MYO9B: variants seen among roughly 807,000 people sequenced by gnomAD.
MYO9B encodes the protein unconventional myosin-IXb.
Under a neutral mutation model 229.5 loss-of-function variants are expected in MYO9B, and 71 were observed. That is an observed-to-expected ratio of 0.31 (90% CI 0.26 to 0.38). The LOEUF (loss-of-function observed/expected upper bound fraction) is 0.38, where lower values mean the gene tolerates loss of function less well. Among genes scored for constraint, MYO9B ranks in the 10% least tolerant of loss-of-function variants. MYO9B has a pLI of 1.00. For synonymous variants in MYO9B, 1,185 were observed against 1,235.8 expected (o/e 0.96, Z 0.86); for missense variants, 2,255 against 2,920.5 (o/e 0.77, Z 5.25).
rs919872930 is a variant in MYO9B at position 17,150,753 on chromosome 19, A to G, written c.936-1891A>G. ...CAGGAGCCACCGTGCCTGCCCCAGT[A>G]TGGAAGAGGAGTCCCTGAGAAATAC... On this transcript the variant is annotated intron_variant, in intron 3 of 39. Transcript: ENST00000682292. 7.1e-5 allele frequency among the ~76,000 whole-genome samples: 10 copies of G among 141,574 alleles called. 3 individuals carry two copies. Among genetic ancestry groups the G allele is most frequent in the Non-Finnish European group, 1.1e-4 (7 of 61,900 alleles). 92.9% of individuals were successfully genotyped at this position (141,574 alleles called of 152,430 possible).
intron 6 of MYO9B, among the ~76,000 whole-genome samples, chr19:17,154,741 G>T (rs2072519093): frequency 6.6e-6 from 1 of 152,140 alleles, no homozygotes; most frequent in Non-Finnish European, 1.5e-5. Context: ...GTGGAGGATT[G>T]CATGGGCCCA....
chr19:17,109,334 G>T (rs1453578396), intron 2 of MYO9B, among the ~76,000 whole-genome samples: 2 of 152,028 alleles, frequency 1.3e-5, no homozygotes, highest in African/African-American at 2.4e-5. Flanking sequence ...CAAAGTGCTG[G>T]GATTACAAGC....
chr19:17,089,498 C>G (rs936274101), intron 1 of MYO9B, among the ~76,000 whole-genome samples: 3 of 152,182 alleles, frequency 2.0e-5, no homozygotes, highest in African/African-American at 4.8e-5. Flanking sequence ...CCTTTATTCT[C>G]CAGTAAATTC....
At chr19:17,156,870 G>A (rs770772859) in intron 6 of MYO9B, 39 bp from the exon 7 acceptor site, 40 of 1,596,252 alleles carry the variant, frequency 2.5e-5, no homozygotes, top group Middle Eastern at 1.8e-4. Context: ...TCTTAGGAAC[G>A]TAGAAACTAC....
intron 30 of MYO9B, among the ~76,000 whole-genome samples, chr19:17,204,134 G>A (rs1348848984): frequency 1.3e-5 from 2 of 152,086 alleles, no homozygotes; most frequent in East Asian, 3.9e-4. Flanking sequence ...CAGTTGTCAT[G>A]GTCCTGAGAT....
At chr19:17,188,287 G>C (rs1284181739) in intron 19 of MYO9B, among the ~76,000 whole-genome samples, 2 of 151,926 alleles carry the variant, frequency 1.3e-5, no homozygotes, top group Non-Finnish European at 2.9e-5. Context: ...AAATTAGCCG[G>C]GTGTGGCAGC....
At chr19:17,156,789 A>G (rs1310359039) in intron 6 of MYO9B, 120 bp from the exon 7 acceptor site, 11 of 1,230,506 alleles carry the variant, frequency 8.9e-6, no homozygotes, top group Non-Finnish European at 1.2e-5. Flanking sequence ...ACATTTTTCA[A>G]ATTTCATGCG....
intron 3 of MYO9B, 78 bp downstream of exon 3, chr19:17,145,569 G>A (rs2072399041): frequency 8.2e-7 from 1 of 1,214,196 alleles, no homozygotes; most frequent in African/African-American, 1.5e-5. Flanking sequence ...ATGGGAGTGA[G>A]ATGTGGAGAT....
chr19:17,158,788 C>T (rs1287618953), intron 7 of MYO9B, among the ~76,000 whole-genome samples: 1 of 152,170 alleles, frequency 6.6e-6, no homozygotes, highest in Non-Finnish European at 1.5e-5. Context: ...GCCACCTGGA[C>T]CCGTGGCTCG....
chr19:17,079,151 G>A (rs544185214), intron 1 of MYO9B, among the ~76,000 whole-genome samples: 49 of 152,316 alleles, frequency 3.2e-4, no homozygotes, highest in African/African-American at 1.2e-3. Context: ...CAGGTGAAAT[G>A]TGATGCTCAT....
chr19:17,208,352 A>AC (rs1369425618), intron 35 of MYO9B, among the ~76,000 whole-genome samples: 4 of 81,378 alleles, frequency 4.9e-5, no homozygotes, highest in African/African-American at 2.0e-4. Context: ...AAAAAAAAAA[A>AC]AATCCAGATG....
At chr19:17,083,968 A>G (rs955437858) in intron 1 of MYO9B, among the ~76,000 whole-genome samples, 1 of 151,992 alleles carries the variant, frequency 6.6e-6, no homozygotes, top group Non-Finnish European at 1.5e-5. Context: ...TTAAATACAC[A>G]AAGTGAATGG....
At chr19:17,155,551 G>A (rs537841625) in intron 6 of MYO9B, among the ~76,000 whole-genome samples, 30 of 152,316 alleles carry the variant, frequency 2.0e-4, no homozygotes, top group African/African-American at 6.0e-4. Flanking sequence ...GCCAAGGCAG[G>A]AAGATCGCTT....
rs188114808 is a variant in MYO9B at position 17,142,274 on chromosome 19, G to C, written c.841-3123G>C. Among the ~76,000 whole-genome samples the C allele has an allele frequency of 9.7e-4, 147 of 152,236 alleles. 1 individual carries two copies. The highest frequency in any genetic ancestry group is 3.4e-3 in the African/African-American group (142 of 41,554). On this transcript the variant is annotated intron_variant, in intron 2 of 39. Transcript: ENST00000682292. ...CAGAACAGGCAAATCCATAGAGACA[G>C]GAAGCAGATTGGTGGTTGTCAGGGA...
intron 8 of MYO9B, among the ~76,000 whole-genome samples, chr19:17,159,807 G>A (rs779032264): frequency 6.6e-5 from 10 of 152,204 alleles, no homozygotes; most frequent in Non-Finnish European, 8.8e-5. Flanking sequence ...TTGGCACATG[G>A]CCATACCCAT....
At chr19:17,136,421 C>T (rs1453357143) in intron 2 of MYO9B, among the ~76,000 whole-genome samples, 1 of 152,116 alleles carries the variant, frequency 6.6e-6, no homozygotes, top group South Asian at 2.1e-4. Context: ...AGAAAGACCG[C>T]AGGGACCCCT....
chr19:17,087,801 A>AT (rs2057597628), intron 1 of MYO9B, among the ~76,000 whole-genome samples: 1 of 151,930 alleles, frequency 6.6e-6, no homozygotes, highest in Non-Finnish European at 1.5e-5. Context: ...GTGGTGGTGC[A>AT]TGCCTGTAAT....
Position 17,195,005 on chromosome 19 carries a change from A to C in MYO9B, c.3578A>C (p.Asp1193Ala). ...GAGCAAGGGGTGAGTCTCCTGGAAG[A>C]CAAAAAGGAGAGCAGAGAAGATGAA... ...TQEQGVSLLE[D>A]KKESREDETL... Residue 1193 changes from aspartate to alanine, a missense_variant, in exon 22 of 40, where the codon GAC becomes GCC. By Grantham distance (126) the Asp-to-Ala change is moderately radical. This residue lies in a region of MYO9B where 679 missense variants were observed against 770.2 expected (regional missense o/e 0.88). Coordinates refer to ENST00000682292, the MANE Select transcript of MYO9B (RefSeq NM_004145.4). This position sits in a 1 kb window ranked among gnomAD's most constrained non-coding sequence, Gnocchi z 4.5. 1 of 1,613,242 alleles carries C rather than the reference A, an allele frequency of 6.2e-7. No homozygotes were observed. The highest frequency in any genetic ancestry group is 8.5e-7 in the Non-Finnish European group (1 of 1,179,890).
intron 22 of MYO9B, among the ~76,000 whole-genome samples, chr19:17,196,946 G>A (rs2073049566): frequency 1.3e-5 from 2 of 151,928 alleles, no homozygotes. Context: ...ATTATGGATG[G>A]GAGGAAGATA....
Sources: allele counts gnomAD v4.1 joint callset (sites outside exome capture counted in the v4.1 genomes callset), GRCh38; gene constraint gnomAD v4.1.1; regional missense constraint gnomAD v4.1.1; non-coding constraint Gnocchi (gnomAD v3.1); transcripts MANE v1.5; gene names NCBI Gene and HGNC (gene_info 2026-07-23, HGNC 2026-07-21).